The following UBE2F variants were observed in gnomAD, a reference collection of about 807,000 sequenced individuals.
UBE2F encodes the protein ubiquitin conjugating enzyme E2 F (putative), also known as NEDD8-conjugating enzyme UBE2F.
Under a neutral mutation model 29.6 loss-of-function variants are expected in UBE2F, and 5 were observed. That is an observed-to-expected ratio of 0.17 (90% CI 0.09 to 0.36). The LOEUF (loss-of-function observed/expected upper bound fraction) is 0.36. UBE2F is among the 10% of genes least tolerant of loss of function. The pLI is 1.00. For synonymous variants in UBE2F, 66 were observed against 81.8 expected (o/e 0.81, Z 1.04); for missense variants, 141 against 228.5 (o/e 0.62, Z 2.47).
At chr2:238,028,436 T>A (rs978972573) in intron 6 of UBE2F, among the ~76,000 whole-genome samples, 12 of 152,240 alleles carry the variant, frequency 7.9e-5, no homozygotes, top group African/African-American at 2.7e-4. Flanking sequence ...CATTAAGATC[T>A]ATATAAGAAA....
At chr2:237,992,348 T>C (rs181394176) in intron 3 of UBE2F, among the ~76,000 whole-genome samples, 8 of 152,384 alleles carry the variant, frequency 5.2e-5, no homozygotes, top group Admixed American at 3.3e-4. Flanking sequence ...ACTAGAAGGA[T>C]GGCATTTATC....
chr2:238,029,612 A>C (rs1304962677), intron 6 of UBE2F, among the ~76,000 whole-genome samples: 28 of 135,424 alleles, frequency 2.1e-4, no homozygotes, highest in African/African-American at 5.7e-4. Context: ...AAAAAAAAAA[A>C]CCCAGTTATT....
intron 4 of UBE2F, among the ~76,000 whole-genome samples, chr2:238,001,244 G>A (rs2063787416): frequency 6.6e-6 from 1 of 151,956 alleles, no homozygotes; most frequent in South Asian, 2.1e-4. Context: ...TGTTGGTCAG[G>A]CTGGTCTCGA....
At position 238,037,588 on chromosome 2, in the gene UBE2F, T is replaced by C. The variant is rs967396610; in HGVS notation, c.507+1648T>C. On this transcript the variant is annotated intron_variant, in intron 9 of 9. Coordinates refer to ENST00000272930, the MANE Select transcript of UBE2F (RefSeq NM_080678.3). ...GCAGCCTTGCCACTGTGGCAGTCAG[T>C]CAGCCACTACTGTTCACTTGGCTGA... Among the ~76,000 whole-genome samples, 2 of 152,092 alleles carry C rather than the reference T, an allele frequency of 1.3e-5. 1 individual carries two copies. Among genetic ancestry groups the C allele is most frequent in the Admixed American group, 1.3e-4 (2 of 15,280 alleles).
At chr2:238,026,684 C>T (rs546183241) in intron 6 of UBE2F, among the ~76,000 whole-genome samples, 11 of 152,252 alleles carry the variant, frequency 7.2e-5, no homozygotes, top group Non-Finnish European at 1.0e-4. Context: ...CTGCCCGCCT[C>T]GGCCTCCTAG....
In UBE2F at chr2:238,040,102, C is replaced by G. The variant is rs1401559519; in HGVS notation, c.508-1186C>G. On this transcript the variant is annotated intron_variant, in intron 9 of 9. Coordinates refer to ENST00000272930, the MANE Select transcript of UBE2F (RefSeq NM_080678.3). This position sits in a 1 kb window ranked among gnomAD's most constrained non-coding sequence, Gnocchi z 4.4. ...ACCTGGGTAGACTCAGAGCACTCCA[C>G]TTTCTCACCCTGAGACCAGAGCAAG... Among the ~76,000 whole-genome samples, 1 of 152,194 alleles carries G rather than the reference C, an allele frequency of 6.6e-6. No homozygotes were observed. Among genetic ancestry groups the G allele is most frequent in the Non-Finnish European group, 1.5e-5 (1 of 68,036 alleles).
chr2:238,038,185 T>C (rs821505), intron 9 of UBE2F, among the ~76,000 whole-genome samples: 126,863 of 151,996 alleles, frequency 0.83, 53,050 homozygotes, highest in East Asian at 0.97. Flanking sequence ...ATGGTGGGCA[T>C]GGGGAGTGGT....
In UBE2F at chr2:238,029,982, T is replaced by C. The variant is rs1369386119; in HGVS notation, c.354-574T>C. ...TTTTTTTTGAGACAGGGCCTCACAC[T>C]ATTCCCAGGCTGGAGTACAGGGGCG... On this transcript the variant is annotated intron_variant, in intron 6 of 9. Coordinates refer to ENST00000272930, the MANE Select transcript of UBE2F (RefSeq NM_080678.3). Among the ~76,000 whole-genome samples, 5 of 151,540 alleles carry C rather than the reference T, an allele frequency of 3.3e-5. No individual in the cohort carries two copies. The East Asian group carries it at 9.7e-4, about 30-fold the overall frequency.
intron 2 of UBE2F, among the ~76,000 whole-genome samples, chr2:237,974,974 G>C (rs2063249781): frequency 1.3e-5 from 2 of 151,822 alleles, no homozygotes; most frequent in African/African-American, 4.8e-5. Context: ...GTTTCACCAT[G>C]TTAGCCAGGC....
At chr2:238,036,003 T>C in intron 9 of UBE2F, 63 bp downstream of exon 9, 1 of 1,405,082 alleles carries the variant, frequency 7.1e-7, no homozygotes, top group Non-Finnish European at 1.0e-6. Context: ...TACTACTGTC[T>C]CTTGATTGGA....
intron 9 of UBE2F, among the ~76,000 whole-genome samples, chr2:238,036,480 G>A (rs6732959): frequency 0.02 from 3,037 of 152,024 alleles, 100 homozygotes; most frequent in African/African-American, 0.07. Context: ...GCGCCCAGCC[G>A]AGAAGTGATT....
At chr2:237,990,455 T>C (rs1417021898) in intron 3 of UBE2F, 2 of 447,428 alleles carry the variant, frequency 4.5e-6, no homozygotes, top group Non-Finnish European at 8.9e-6. Flanking sequence ...CAAGTTGGAG[T>C]ACAGTGGCAT....
intron 5 of UBE2F, among the ~76,000 whole-genome samples, chr2:238,021,874 A>G (rs908852612): frequency 6.6e-6 from 1 of 152,210 alleles, no homozygotes; most frequent in Non-Finnish European, 1.5e-5. Context: ...GCTGTGAGGT[A>G]AGTCTGGGGC....
chr2:238,022,472 T>C (rs1385376541), intron 5 of UBE2F, among the ~76,000 whole-genome samples: 4 of 152,210 alleles, frequency 2.6e-5, no homozygotes, highest in African/African-American at 9.6e-5. Flanking sequence ...CTGTAAATAC[T>C]TTCTTTGTTT....
intron 1 of UBE2F, among the ~76,000 whole-genome samples, chr2:237,972,820 T>C (rs925326146): frequency 6.6e-6 from 1 of 152,164 alleles, no homozygotes; most frequent in East Asian, 1.9e-4. Context: ...CCCAAAGTGC[T>C]GGGATTATAG....
intron 8 of UBE2F, 167 bp downstream of exon 8, chr2:238,032,421 T>A (rs2064604125): frequency 1.7e-6 from 1 of 597,942 alleles, no homozygotes; most frequent in African/African-American, 1.9e-5. Flanking sequence ...GATCCCCACT[T>A]GAGTCCAGGA....
At chr2:238,024,159 T>C (rs927571619) in intron 5 of UBE2F, among the ~76,000 whole-genome samples, 1 of 152,242 alleles carries the variant, frequency 6.6e-6, no homozygotes, top group East Asian at 1.9e-4. Context: ...TAAACACATG[T>C]ACATCAGGTG....
intron 4 of UBE2F, among the ~76,000 whole-genome samples, chr2:238,001,401 GT>G (rs978118898): frequency 6.6e-6 from 1 of 151,274 alleles, no homozygotes; most frequent in Non-Finnish European, 1.5e-5. Flanking sequence ...GATATGTGGT[GT>G]TTTTTTTTAA....
At chr2:238,016,316 C>T (rs935015428) in intron 4 of UBE2F, among the ~76,000 whole-genome samples, 5 of 152,094 alleles carry the variant, frequency 3.3e-5, no homozygotes, top group Non-Finnish European at 7.4e-5. Context: ...CCTTCCCTTC[C>T]CTGAGGGTGT....
Sources: allele counts gnomAD v4.1 joint callset (sites outside exome capture counted in the v4.1 genomes callset), GRCh38; gene constraint gnomAD v4.1.1; non-coding constraint Gnocchi (gnomAD v3.1); transcripts MANE v1.5; gene names NCBI Gene and HGNC (gene_info 2026-07-23, HGNC 2026-07-21).